KRT84: variants seen among roughly 807,000 people sequenced by gnomAD.
KRT84 encodes the protein keratin, type II cuticular Hb4.
KRT84 carries 38 observed loss-of-function variants against 49.0 expected under a neutral mutation model. That is an observed-to-expected ratio of 0.78 (90% CI 0.60 to 1.02). The LOEUF is 1.02. Among genes scored for constraint, KRT84 ranks in the 50% least tolerant of loss-of-function variants. KRT84 has a pLI of 0.00. For missense variants in KRT84, 860 were observed against 788.6 expected (o/e 1.09, Z -1.08); for synonymous variants, 334 against 312.8 (o/e 1.07, Z -0.72).
Position 52,380,346 on chromosome 12 carries a change from G to A in KRT84, c.1424+17C>T, listed in dbSNP as rs755556285. The A allele has an allele frequency of 2.5e-6, 4 of 1,613,024 alleles. No homozygotes were observed. The East Asian group carries it at 6.7e-5, about 27-fold the overall frequency. Reference sequence around the variant, plus strand: ...CTAAGTCTGACTTCACTCTCCTGCTGGACTGAGAGTACTCACCGGCTCTCC... The same window carrying A: ...CTAAGTCTGACTTCACTCTCCTGCTAGACTGAGAGTACTCACCGGCTCTCC... On this transcript the variant is annotated intron_variant, in intron 7 of 8. Transcript: ENST00000257951.
rs762233011 is a variant in KRT84 at position 52,385,615 on chromosome 12, A to T, written c.-30T>A. The T allele has an allele frequency of 6.2e-7, 1 of 1,601,158 alleles. No homozygotes were observed. Reference sequence around the variant, plus strand: ...GCTTCCTGGTTGGGAGCAAAAGAGCAAGTGTAGAATGGGTGAGCTGGAGCT... The same window carrying T: ...GCTTCCTGGTTGGGAGCAAAAGAGCTAGTGTAGAATGGGTGAGCTGGAGCT... On this transcript the variant is annotated 5_prime_UTR_variant, in exon 1 of 9. Coordinates refer to ENST00000257951, the MANE Select transcript of KRT84 (RefSeq NM_033045.4).
intron 8 of KRT84, 97 bp from the exon 9 acceptor site, chr12:52,378,477 G>T: frequency 1.1e-6 from 1 of 874,890 alleles, no homozygotes; most frequent in Non-Finnish European, 1.5e-6. Flanking sequence ...TGGGGAGGGA[G>T]TGGGGTCAGG....
chr12:52,383,388 A>G (rs1939516473), intron 2 of KRT84, among the ~76,000 whole-genome samples: 1 of 152,184 alleles, frequency 6.6e-6, no homozygotes, highest in Admixed American at 6.5e-5. Flanking sequence ...ACTGAAAAAG[A>G]TACTGAACAT....
chr12:52,380,036 A>G (rs1315201517), intron 7 of KRT84, 129 bp from the exon 8 acceptor site: 4 of 785,260 alleles, frequency 5.1e-6, no homozygotes, highest in Non-Finnish European at 8.3e-6. Flanking sequence ...TTATACACAC[A>G]TCTGGGGAGC....
In KRT84 at chr12:52,385,374, C is replaced by T. The variant is rs200397824; in HGVS notation, c.212G>A (p.Arg71Gln). The change falls in exon 1 of 9, where the codon CGG (arginine) becomes CAG (glutamine). Residue 71 changes from arginine to glutamine, a missense_variant. Physicochemically the swap from Arg to Gln is conservative, Grantham distance 43. Transcript: ENST00000257951. ...YSPRIAAVGS[R>Q]PIHCGVRFGA... ...AAAGCGGACTCCACAGTGGATGGGC[C>T]GAGAGCCTACAGCTGCTATCCGGGG... The T allele has an allele frequency of 6.6e-5, 107 of 1,614,168 alleles. No homozygotes were observed. The East Asian group carries it at 8.0e-4, about 12-fold the overall frequency.
chr12:52,383,021 A>G lies in KRT84; in HGVS notation c.800T>C (p.Phe267Ser). ...CCCCCTTACCTTCTTCAGAGCCACA[A>G]ACTCATTCTCAGCATTGGCCCGACA... ...VVCRANAENEFVALKKDVDAA... is the reference protein window; with the variant it reads ...VVCRANAENESVALKKDVDAA... The change falls in exon 3 of 9, where the codon TTT becomes TCT. Residue 267 changes from phenylalanine (F) to serine (S), a missense_variant. By Grantham distance (155) the Phe-to-Ser change is radical. Coordinates refer to ENST00000257951, the MANE Select transcript of KRT84 (RefSeq NM_033045.4). 6 of 1,613,960 alleles carry G rather than the reference A, an allele frequency of 3.7e-6. No homozygotes were observed. Among genetic ancestry groups the G allele is most frequent in the South Asian group, 2.2e-5 (2 of 91,076 alleles).
intron 3 of KRT84, 50 bp downstream of exon 3, chr12:52,382,955 C>T: frequency 6.5e-7 from 1 of 1,535,176 alleles, no homozygotes; most frequent in Non-Finnish European, 9.0e-7. Flanking sequence ...GTCTTGAGAA[C>T]ATTTGCCGGT....
chr12:52,386,871 T>C (rs999333260), upstream of KRT84, among the ~76,000 whole-genome samples: 3 of 152,236 alleles, frequency 2.0e-5, no homozygotes, highest in African/African-American at 7.2e-5. Context: ...CATGTTTGAC[T>C]GGACGCTTGA....
Position 52,381,069 on chromosome 12 carries a change from C to G in KRT84, c.1203+11G>C, listed in dbSNP as rs1247022533. 2 of 1,613,306 alleles carry G rather than the reference C, an allele frequency of 1.2e-6. No individual in the cohort carries two copies. Among genetic ancestry groups the G allele is most frequent in the Admixed American group, 1.7e-5 (1 of 59,938 alleles). ...CCTCATCTGAGGCTTTCCCTCCTTT[C>G]CTTTGCCCACCTGAGCCTTGGCGTG... is the stretch of plus-strand genomic sequence containing the variant. On this transcript the variant is annotated intron_variant, in intron 6 of 8. Transcript: ENST00000257951.
chr12:52,377,914 G>T lies in KRT84; in HGVS notation c.*120C>A. 1.5e-6 allele frequency: 1 copy of T among 682,582 alleles called. No individual in the cohort carries two copies. The highest frequency in any genetic ancestry group is 2.2e-6 in the Non-Finnish European group (1 of 451,744). 42.3% of individuals were successfully genotyped at this position (682,582 alleles called of 1,614,324 possible). A position where few individuals can be genotyped will look rare whatever the true frequency, so the allele number is the denominator to read the frequency against. ...ATAATCGGGGGAGTGCTAAGGGGTG[G>T]CTTCCTGGCAGAAAGGGGAGCTGGA... On this transcript the variant is annotated 3_prime_UTR_variant, in exon 9 of 9. Coordinates refer to ENST00000257951, the MANE Select transcript of KRT84 (RefSeq NM_033045.4).
Position 52,385,341 on chromosome 12 carries a change from C to A in KRT84, c.245G>T (p.Gly82Val). Residue 82 changes from glycine to valine, a missense_variant, in exon 1 of 9, where the codon GGC (glycine) becomes GTC (valine). Transcript: ENST00000257951. ...CCCATCACCAAAACCCATCCCACAG[C>A]CAGCACCAAAGCGGACTCCACAGTG... ...PIHCGVRFGA[G>V]CGMGFGDGRG... The A allele has an allele frequency of 1.1e-5, 18 of 1,614,182 alleles. No homozygotes were observed. The highest frequency in any genetic ancestry group is 1.4e-5 in the Non-Finnish European group (17 of 1,180,050).
In KRT84 at chr12:52,380,423, T is replaced by C. The variant is rs529897944; in HGVS notation, c.1364A>G (p.Lys455Arg). The C allele has an allele frequency of 5.0e-6, 8 of 1,614,230 alleles. No homozygotes were observed. In the African/African-American group the frequency reaches 6.7e-5, roughly 13 times the overall value. ...GGCGATCTCGATGTCCAGGCCCAGC[T>C]TGGCATTCATCAGCTCCTGGTACTC... is the stretch of plus-strand genomic sequence containing the variant. ...LCEYQELMNAKLGLDIEIATY... is the reference protein window; with the variant it reads ...LCEYQELMNARLGLDIEIATY... Residue 455 changes from lysine to arginine, a missense_variant, in exon 7 of 9, where the codon AAG (lysine) becomes AGG (arginine). Physicochemically the swap from Lys to Arg is conservative, Grantham distance 26 (BLOSUM62 2). Transcript: ENST00000257951.
chr12:52,380,656 C>T, intron 6 of KRT84, 73 bp from the exon 7 acceptor site: 2 of 1,430,234 alleles, frequency 1.4e-6, no homozygotes, highest in Non-Finnish European at 9.4e-7. Context: ...GAAACACGGC[C>T]CCTCTTAGTG....
chr12:52,381,298 A>T, intron 5 of KRT84, 63 bp downstream of exon 5: 1 of 1,611,034 alleles, frequency 6.2e-7, no homozygotes, highest in Non-Finnish European at 8.5e-7. Context: ...CCTGGGCCTG[A>T]TCTGTTATAT....
Position 52,378,091 on chromosome 12 carries a change from G to A in KRT84, c.1746C>T (p.Gly582=). 2 of 1,500,276 alleles carry A rather than the reference G, an allele frequency of 1.3e-6. No individual in the cohort carries two copies. Among genetic ancestry groups the A allele is most frequent in the South Asian group, 1.4e-5 (1 of 71,976 alleles). 92.9% of individuals were successfully genotyped at this position (1,500,276 alleles called of 1,614,324 possible). ...ACACAAAGCGGACGCTGGAGCTGCGGCCGCCGCTGCAGCTGCTGAAGCCCC... is the reference window on the plus strand; with the variant it reads ...ACACAAAGCGGACGCTGGAGCTGCGACCGCCGCTGCAGCTGCTGAAGCCCC... The part of the protein sequence containing the change: ...TQGGFSSCSG[G]RSSSVRFVST... The change falls in exon 9 of 9, where the codon GGC becomes GGT. Residue 582 remains glycine, a synonymous_variant. Coordinates refer to ENST00000257951, the MANE Select transcript of KRT84 (RefSeq NM_033045.4).
At chr12:52,378,693 G>A (rs1939430449) in intron 8 of KRT84, among the ~76,000 whole-genome samples, 2 of 152,230 alleles carry the variant, frequency 1.3e-5, no homozygotes, top group Admixed American at 1.3e-4. Context: ...GTTGTGAGAT[G>A]TAGGTAGTGA....
chr12:52,386,256 G>C (rs1399026259), upstream of KRT84, among the ~76,000 whole-genome samples: 1 of 152,168 alleles, frequency 6.6e-6, no homozygotes, highest in Non-Finnish European at 1.5e-5. Context: ...TCTGTGATTT[G>C]AGACACTCAG....
Position 52,380,405 on chromosome 12 carries a change from T to C in KRT84, c.1382A>G (p.Glu461Gly). The C allele has an allele frequency of 1.2e-6, 2 of 1,614,214 alleles. No individual in the cohort carries two copies. The highest frequency in any genetic ancestry group is 1.7e-6 in the Non-Finnish European group (2 of 1,180,036). Residue 461 changes from glutamate to glycine, a missense_variant, in exon 7 of 9, where the codon GAG becomes GGG. Glu to Gly is a moderately conservative substitution (Grantham distance 98). Transcript: ENST00000257951. ...CAGCAGGCGCCTGTAGGTGGCGATC[T>C]CGATGTCCAGGCCCAGCTTGGCATT... ...LMNAKLGLDI[E>G]IATYRRLLEG...
rs951772 is a variant in KRT84, at chr12:52,380,374, G to A, written c.1413C>T (p.Gly471=). 0.23 allele frequency: 370,763 copies of A among 1,613,274 alleles called. 48,420 individuals are homozygous for A. Among genetic ancestry groups the A allele is most frequent in the African/African-American group, 0.57 (42,825 of 74,926 alleles). The change falls in exon 7 of 9, where the codon GGC becomes GGT. Residue 471 remains glycine, a synonymous_variant. Transcript: ENST00000257951. ...EIATYRRLLE[G]EESRLCEGVG... is the part of the protein sequence containing the mutation. ...CTGAGAGTACTCACCGGCTCTCCTC[G>A]CCCTCCAGCAGGCGCCTGTAGGTGG...
Sources: allele counts gnomAD v4.1 joint callset (sites outside exome capture counted in the v4.1 genomes callset), GRCh38; gene constraint gnomAD v4.1.1; transcripts MANE v1.5; gene names NCBI Gene and HGNC (gene_info 2026-07-23, HGNC 2026-07-21).